RILPL2: variants seen among roughly 807,000 people sequenced by gnomAD.
The protein encoded by RILPL2 is RILP-like protein 2.
A neutral mutation model predicts 22.2 loss-of-function variants in RILPL2; 19 were observed. That is an observed-to-expected ratio of 0.86 (90% CI 0.60 to 1.25). The LOEUF is 1.25. Ranked by LOEUF, RILPL2 falls within the 50% of genes most tolerant of loss-of-function variation. RILPL2 has a pLI of 0.00. For missense variants in RILPL2, 243 were observed against 263.6 expected (o/e 0.92, Z 0.54); for synonymous variants, 123 against 111.6 (o/e 1.10, Z -0.64).
downstream of RILPL2, chr12:123,412,143 G>A (rs1399919468): frequency 1.3e-5 from 2 of 151,896 alleles, no homozygotes; most frequent in Non-Finnish European, 2.9e-5. Flanking sequence ...GGAGGCAGGG[G>A]AGCATTTATA....
intron 2 of RILPL2, among the ~76,000 whole-genome samples, chr12:123,429,574 C>T (rs984094917): frequency 1.3e-5 from 2 of 151,908 alleles, no homozygotes; most frequent in African/African-American, 2.4e-5. Context: ...GGATTACAGA[C>T]GTGCCACCAT....
Position 123,415,923 on chromosome 12 carries a change from T to C in RILPL2, c.606-2A>G. On this transcript the variant is annotated splice_acceptor_variant, in intron 3 of 3. Transcript: ENST00000280571. LOFTEE classifies it high-confidence loss of function. ...TGTTTCCCCGATCGAAAAAAGAACC[T>C]GGTGTGGAGAGAGAGAGGGTTCAGG... is the stretch of plus-strand genomic sequence containing the variant. 2 of 1,614,052 alleles carry C rather than the reference T, an allele frequency of 1.2e-6. No homozygotes were observed. Among genetic ancestry groups the C allele is most frequent in the Non-Finnish European group, 1.7e-6 (2 of 1,179,990 alleles).
chr12:123,435,978 GAGAAA>G (rs1457474689), intron 1 of RILPL2, 99 bp downstream of exon 1: 15 of 1,424,888 alleles, frequency 1.1e-5, no homozygotes, highest in Non-Finnish European at 1.4e-5. Context: ...AAAGAAAAAA[GAGAAA>G]AGAGAAGAGA....
At chr12:123,427,685 G>A (rs1438776410) in intron 2 of RILPL2, among the ~76,000 whole-genome samples, 1 of 151,994 alleles carries the variant, frequency 6.6e-6, no homozygotes, top group African/African-American at 2.4e-5. Flanking sequence ...GGGACTACAG[G>A]TATGAGTCAC....
chr12:123,428,595 G>A (rs145775189), intron 2 of RILPL2, among the ~76,000 whole-genome samples: 1 of 152,288 alleles, frequency 6.6e-6, no homozygotes, highest in Non-Finnish European at 1.5e-5. Context: ...TATCACTTGG[G>A]CTTTGTTTCA....
At chr12:123,423,914 A>G (rs1879363072) in intron 2 of RILPL2, among the ~76,000 whole-genome samples, 1 of 151,912 alleles carries the variant, frequency 6.6e-6, no homozygotes, top group Non-Finnish European at 1.5e-5. Context: ...CAGCCTCCCA[A>G]AGTGCTGGGA....
rs1879781741 is a variant in RILPL2, at chr12:123,435,980, G to T, written c.339+102C>A. The T allele has an allele frequency of 4.2e-6, 6 of 1,429,328 alleles. No homozygotes were observed. In the South Asian group the frequency reaches 8.6e-5, roughly 21 times the overall value. 88.5% of individuals were successfully genotyped at this position (1,429,328 alleles called of 1,614,324 possible). A position where few individuals can be genotyped will look rare whatever the true frequency, so the allele number is the denominator to read the frequency against. ...CCATCTCTTAAAAAAAGAAAAAAGAGAAAAGAGAAGAGAAAAGAAAAGGAA... is the reference window on the plus strand; with the variant it reads ...CCATCTCTTAAAAAAAGAAAAAAGATAAAAGAGAAGAGAAAAGAAAAGGAA... On this transcript the variant is annotated intron_variant, in intron 1 of 3. Transcript: ENST00000280571.
At position 123,436,047 on chromosome 12, in the gene RILPL2, C is replaced by G. The variant is rs779141018; in HGVS notation, c.339+35G>C. 4 of 1,544,016 alleles carry G rather than the reference C, an allele frequency of 2.6e-6. No homozygotes were observed. The highest frequency in any genetic ancestry group is 1.8e-6 in the Non-Finnish European group (2 of 1,141,602). ...TAGGTGCCCTCCTACGCCCCGCAGG[C>G]GCCGTGGGCCCGGAACCCTCGCTCC... On this transcript the variant is annotated intron_variant, in intron 1 of 3. Coordinates refer to ENST00000280571, the MANE Select transcript of RILPL2 (RefSeq NM_145058.3). This position sits in a 1 kb window ranked among gnomAD's most constrained non-coding sequence, Gnocchi z 6.7.
At chr12:123,430,461 T>C in intron 2 of RILPL2, 47 bp downstream of exon 2, 1 of 1,517,326 alleles carries the variant, frequency 6.6e-7, no homozygotes, top group South Asian at 1.2e-5. Flanking sequence ...TAGCAAGGAA[T>C]TCTGGGCCAG....
downstream of RILPL2, chr12:123,414,495 C>T (rs930221669): frequency 6.5e-6 from 1 of 152,898 alleles, no homozygotes; most frequent in African/African-American, 2.4e-5. Flanking sequence ...TCGCGCCTCT[C>T]CCTCCACACC....
intron 2 of RILPL2, among the ~76,000 whole-genome samples, chr12:123,428,717 G>A (rs926744351): frequency 2.0e-5 from 3 of 152,116 alleles, no homozygotes; most frequent in African/African-American, 4.8e-5. Context: ...CACCACTGTT[G>A]CCACCACTGC....
intron 2 of RILPL2, among the ~76,000 whole-genome samples, chr12:123,429,328 C>T (rs1879538080): frequency 6.6e-6 from 1 of 152,120 alleles, no homozygotes; most frequent in African/African-American, 2.4e-5. Flanking sequence ...AAGAGTTTTG[C>T]TCTTTCGCCC....
Position 123,436,533 on chromosome 12 carries a change from C to G in RILPL2, c.-113G>C. The stretch of plus-strand genomic sequence containing the variant: ...TGGGCAGAGTCCCTACCTGCCCAAT[C>G]AGCGCGGCCCGGGGGTGGGCCCGGG... On this transcript the variant is annotated 5_prime_UTR_variant, in exon 1 of 4. Coordinates refer to ENST00000280571, the MANE Select transcript of RILPL2 (RefSeq NM_145058.3). This position sits in a 1 kb window ranked among gnomAD's most constrained non-coding sequence, Gnocchi z 6.7. 6.9e-7 allele frequency: 1 copy of G among 1,447,500 alleles called. No homozygotes were observed. Among genetic ancestry groups the G allele is most frequent in the South Asian group, 1.4e-5 (1 of 71,540 alleles). The allele number at this position is 1,447,500 out of a possible 1,614,324, so 89.7% of individuals were successfully genotyped here.
intron 2 of RILPL2, among the ~76,000 whole-genome samples, chr12:123,423,837 TA>T (rs1879360397): frequency 6.6e-6 from 1 of 151,776 alleles, no homozygotes; most frequent in Admixed American, 6.6e-5. Flanking sequence ...GTATTTTTAG[TA>T]GAGACAGGGT....
At chr12:123,417,115 G>A (rs1431804324) in intron 3 of RILPL2, among the ~76,000 whole-genome samples, 3 of 151,938 alleles carry the variant, frequency 2.0e-5, no homozygotes, top group Non-Finnish European at 4.4e-5. Context: ...CCTGAGAAAC[G>A]TGGAGAAACC....
At chr12:123,420,227 A>G (rs989092857) in intron 3 of RILPL2, among the ~76,000 whole-genome samples, 7 of 151,506 alleles carry the variant, frequency 4.6e-5, no homozygotes, top group Admixed American at 2.0e-4. Context: ...TGGTTTCACC[A>G]TGTTAGCCAG....
intron 2 of RILPL2, among the ~76,000 whole-genome samples, chr12:123,427,966 A>G (rs1047698143): frequency 6.6e-6 from 1 of 152,216 alleles, no homozygotes; most frequent in African/African-American, 2.4e-5. Flanking sequence ...CTAGAGACGA[A>G]GCAGAATCCT....
chr12:123,409,732 T>G, the RILPL2 span, among the ~76,000 whole-genome samples: 1 of 64,654 alleles, frequency 1.5e-5, no homozygotes, highest in Admixed American at 1.6e-4. Context: ...TTTTTTTTTT[T>G]TTTTTTTTTT....
chr12:123,410,488 C>T (rs774253702), downstream of RILPL2, among the ~76,000 whole-genome samples: 1 of 152,202 alleles, frequency 6.6e-6, no homozygotes, highest in Non-Finnish European at 1.5e-5. Context: ...TAGGGATAAT[C>T]TCTGCCCACT....
Sources: allele counts gnomAD v4.1 joint callset (sites outside exome capture counted in the v4.1 genomes callset), GRCh38; gene constraint gnomAD v4.1.1; non-coding constraint Gnocchi (gnomAD v3.1); transcripts MANE v1.5; gene names NCBI Gene and HGNC (gene_info 2026-07-23, HGNC 2026-07-21).